PLCXD2: variants seen among roughly 807,000 people sequenced by gnomAD.
PLCXD2 encodes the protein PI-PLC X domain-containing protein 2.
In PLCXD2, 21 loss-of-function variants were observed where a neutral mutation model predicts 28.6. The observed-to-expected ratio is 0.73, with a 90% CI of 0.52 to 1.06. The LOEUF is 1.06. Among genes scored for constraint, PLCXD2 ranks in the 50% least tolerant of loss-of-function variants. PLCXD2 has a pLI of 0.00. For missense variants in PLCXD2, 369 were observed against 376.7 expected, an observed-to-expected ratio of 0.98 and a Z score of 0.17; for synonymous variants, 140 against 150.1, an observed-to-expected ratio of 0.93 and a Z score of 0.49.
At chr3:111,708,493 G>T in intron 2 of PLCXD2, 107 bp downstream of exon 2, 3 of 1,082,338 alleles carry the variant, frequency 2.8e-6, no homozygotes, top group Non-Finnish European at 4.0e-6. Context: ...TTAGGCTAAA[G>T]AGTGGATTGT....
intron 1 of PLCXD2, chr3:111,676,945 ACT>A (rs1940632332): frequency 1.3e-5 from 2 of 152,136 alleles, no homozygotes; most frequent in Admixed American, 1.3e-4. Context: ...TTGGCTGTGT[ACT>A]CTGACCCCGT....
intron 1 of PLCXD2, among the ~76,000 whole-genome samples, chr3:111,705,713 G>T (rs1941108827): frequency 6.6e-6 from 1 of 151,912 alleles, no homozygotes; most frequent in Admixed American, 6.6e-5. Context: ...ACTGGGCAGG[G>T]ATGATACCTC....
chr3:111,702,040 AAGCTTT>A (rs1226316426), intron 1 of PLCXD2, among the ~76,000 whole-genome samples: 1 of 152,022 alleles, frequency 6.6e-6, no homozygotes, highest in African/African-American at 2.4e-5. Context: ...GCTAGAAAGG[AAGCTTT>A]TGGTGTCATC....
At position 111,691,177 on chromosome 3, in the gene PLCXD2, C is replaced by T. The variant is rs114346652; in HGVS notation, c.163+15769C>T. ...TTGCAAATATGATGAGTTAAATTTA[C>T]AGGCATATTTTCTGTTTAAGTATGG... On this transcript the variant is annotated intron_variant, in intron 1 of 4. Coordinates refer to ENST00000477665, the MANE Select transcript of PLCXD2 (RefSeq NM_001185106.1). Among the ~76,000 whole-genome samples the T allele has an allele frequency of 5.2e-3, 793 of 152,330 alleles. 4 individuals are homozygous for T. The highest frequency in any genetic ancestry group is 0.018 in the African/African-American group (767 of 41,572).
rs115190662 is a variant in PLCXD2, at chr3:111,714,951, G to A, written c.866+823G>A. On this transcript the variant is annotated intron_variant, in intron 3 of 4. Transcript: ENST00000477665. The stretch of plus-strand genomic sequence containing the variant: ...TAGCAAAAGATATTTACAAGAATCA[G>A]TTTGGTCCCTGAGTTTCAGGTTGAC... Among the ~76,000 whole-genome samples, 139 of 152,298 alleles carry A rather than the reference G, an allele frequency of 9.1e-4. 2 individuals are homozygous for A. Among genetic ancestry groups the A allele is most frequent in the African/African-American group, 3.2e-3 (133 of 41,554 alleles).
intron 1 of PLCXD2, among the ~76,000 whole-genome samples, chr3:111,681,675 A>G (rs1940717332): frequency 2.0e-5 from 3 of 152,204 alleles, no homozygotes; most frequent in South Asian, 2.1e-4. Context: ...AATACATGCT[A>G]TCGTTCACCA....
intron 3 of PLCXD2, among the ~76,000 whole-genome samples, chr3:111,719,563 G>T (rs1941318369): frequency 6.6e-6 from 1 of 152,212 alleles, no homozygotes; most frequent in Admixed American, 6.5e-5. Context: ...CATTGATTTT[G>T]AAAGGCAACG....
At chr3:111,709,854 G>A (rs748833056) in intron 2 of PLCXD2, among the ~76,000 whole-genome samples, 3 of 152,282 alleles carry the variant, frequency 2.0e-5, no homozygotes, top group Admixed American at 2.0e-4. Flanking sequence ...CACTCTAAGC[G>A]AGGAGAGTTC....
Position 111,675,146 on chromosome 3 carries a change from C to T in PLCXD2, c.-100C>T, listed in dbSNP as rs1353275206. On this transcript the variant is annotated 5_prime_UTR_variant, in exon 1 of 5. Transcript: ENST00000477665. Reference sequence around the variant, plus strand: ...CAGAAAGGCATTTTGGAAAGACTGGCGTGGCAAGCGTCGCCCTGAAACGTC... The same window carrying T: ...CAGAAAGGCATTTTGGAAAGACTGGTGTGGCAAGCGTCGCCCTGAAACGTC... 2 of 1,399,916 alleles carry T rather than the reference C, an allele frequency of 1.4e-6. No individual in the cohort carries two copies. Among genetic ancestry groups the T allele is most frequent in the Non-Finnish European group, 2.0e-6 (2 of 1,020,498 alleles). 86.7% of individuals were successfully genotyped at this position (1,399,916 alleles called of 1,614,324 possible). A position where few individuals can be genotyped will look rare whatever the true frequency, so the allele number is the denominator to read the frequency against.
At chr3:111,707,108 C>G (rs1941131365) in intron 1 of PLCXD2, among the ~76,000 whole-genome samples, 1 of 152,162 alleles carries the variant, frequency 6.6e-6, no homozygotes, top group African/African-American at 2.4e-5. Context: ...ACATTTCATA[C>G]TATCCCTTTG....
At chr3:111,715,292 T>C (rs1219843933) in intron 3 of PLCXD2, among the ~76,000 whole-genome samples, 3 of 152,236 alleles carry the variant, frequency 2.0e-5, no homozygotes, top group African/African-American at 7.2e-5. Context: ...ATAATATGTT[T>C]GTGTATCCAC....
intron 1 of PLCXD2, among the ~76,000 whole-genome samples, chr3:111,684,052 C>A (rs1447615551): frequency 1.3e-5 from 2 of 152,082 alleles, no homozygotes; most frequent in Admixed American, 6.5e-5. Context: ...CCATGTTAGG[C>A]CAGGCGTGGT....
chr3:111,694,127 C>A (rs1393720705), intron 1 of PLCXD2, among the ~76,000 whole-genome samples: 1 of 152,170 alleles, frequency 6.6e-6, no homozygotes, highest in South Asian at 2.1e-4. Context: ...CTGAGCCCTG[C>A]AGCCCCCTCT....
chr3:111,720,851 T>C (rs914052439), intron 3 of PLCXD2: 1 of 416,834 alleles, frequency 2.4e-6, no homozygotes, highest in Non-Finnish European at 4.4e-6. Flanking sequence ...AATGACCTCC[T>C]ACAGGAGGAC....
intron 1 of PLCXD2, among the ~76,000 whole-genome samples, chr3:111,694,739 A>T (rs1017133058): frequency 2.6e-5 from 4 of 152,168 alleles, no homozygotes; most frequent in Admixed American, 2.6e-4. Context: ...TCAGAGCTGG[A>T]CCCTAAGGGA....
At chr3:111,704,208 G>A (rs1045604166) in intron 1 of PLCXD2, among the ~76,000 whole-genome samples, 2 of 152,230 alleles carry the variant, frequency 1.3e-5, no homozygotes, top group African/African-American at 4.8e-5. Context: ...GCGGGGGGTA[G>A]TGGTTAAGAA....
intron 2 of PLCXD2, among the ~76,000 whole-genome samples, chr3:111,713,235 G>A (rs1225261927): frequency 6.6e-6 from 1 of 152,092 alleles, no homozygotes; most frequent in Non-Finnish European, 1.5e-5. Flanking sequence ...GGGATATGAG[G>A]GTAGAATTTA....
intron 1 of PLCXD2, among the ~76,000 whole-genome samples, chr3:111,694,971 C>G (rs1047248884): frequency 1.3e-5 from 2 of 152,114 alleles, no homozygotes; most frequent in African/African-American, 4.8e-5. Context: ...AGTGGTTTCT[C>G]TAAACCTCAG....
intron 3 of PLCXD2, among the ~76,000 whole-genome samples, chr3:111,714,745 G>A (rs1421677065): frequency 6.6e-6 from 1 of 152,102 alleles, no homozygotes; most frequent in Admixed American, 6.5e-5. Context: ...GAAAAAGGAT[G>A]GTTTATTTGT....
Sources: allele counts gnomAD v4.1 joint callset (sites outside exome capture counted in the v4.1 genomes callset), GRCh38; gene constraint gnomAD v4.1.1; transcripts MANE v1.5; gene names NCBI Gene and HGNC (gene_info 2026-07-23, HGNC 2026-07-21).